Variants in NAALADL2 observed in about 807,000 individuals in gnomAD.
NAALADL2 encodes the protein inactive N-acetylated-alpha-linked acidic dipeptidase-like protein 2.
Under a neutral mutation model 87.2 loss-of-function variants are expected in NAALADL2, and 76 were observed. The ratio of observed to expected loss-of-function variants is 0.87; its 90% CI spans 0.72 to 1.05. NAALADL2 has a LOEUF of 1.05. Ranked by LOEUF, NAALADL2 falls within the 50% of genes least tolerant of loss-of-function variation. The pLI is 0.00. For synonymous variants in NAALADL2, 354 were observed against 331.0 expected (o/e 1.07, Z -0.75); for missense variants, 1,089 against 945.8 (o/e 1.15, Z -1.99).
chr3:175,467,397 T>C (rs1268374673), intron 8 of NAALADL2, among the ~76,000 whole-genome samples: 1 of 152,136 alleles, frequency 6.6e-6, no homozygotes, highest in Admixed American at 6.6e-5. Flanking sequence ...CCCCTATTGT[T>C]ACCAGACTTA....
chr3:175,190,278 A>G (rs1007500565), intron 2 of NAALADL2, among the ~76,000 whole-genome samples: 1 of 152,144 alleles, frequency 6.6e-6, no homozygotes, highest in East Asian at 1.9e-4. Context: ...CAACCTACAG[A>G]TTTGGGTAAG....
rs1461417333 is a variant in NAALADL2, at chr3:175,447,234, A to G, written c.1096A>G (p.Ser366Gly). 1 of 1,577,488 alleles carries G rather than the reference A, an allele frequency of 6.3e-7. No individual in the cohort carries two copies. The highest frequency in any genetic ancestry group is 8.6e-7 in the Non-Finnish European group (1 of 1,166,774). ...STPGYPSVDE[S>G]FRQSRSNLTS... ...CCTTTGTCTTTTGAATACAGATGAA[A>G]GTTTTAGACAAAGCCGATCAAACCT... is the stretch of plus-strand genomic sequence containing the variant. Residue 366 changes from serine (S) to glycine (G), a missense_variant, in exon 6 of 14, where the codon AGT (serine) becomes GGT (glycine). Transcript: ENST00000454872.
chr3:175,393,045 C>T (rs1400014401), intron 5 of NAALADL2, among the ~76,000 whole-genome samples: 3 of 151,686 alleles, frequency 2.0e-5, no homozygotes, highest in Non-Finnish European at 4.4e-5. Flanking sequence ...GAGGCCGAGG[C>T]GGGTGGATCA....
intron 1 of NAALADL2, among the ~76,000 whole-genome samples, chr3:174,520,628 T>C (rs1720216196): frequency 6.6e-6 from 1 of 152,158 alleles, no homozygotes; most frequent in African/African-American, 2.4e-5. Context: ...GGAAAAGCTC[T>C]TCTGGACACT....
In NAALADL2 at chr3:174,888,464, G is replaced by A. The variant is rs1017545432; in HGVS notation, c.43+29014G>A. 7.2e-5 allele frequency among the ~76,000 whole-genome samples: 11 copies of A among 152,120 alleles called. 1 individual carries two copies. The highest frequency in any genetic ancestry group is 1.3e-4 in the Admixed American group (2 of 15,260). Reference sequence around the variant, plus strand: ...AGCTGAAATAATAGGCTCACTTCACGCAAAGTTGATCAAATACTTTCCATC... The same window carrying A: ...AGCTGAAATAATAGGCTCACTTCACACAAAGTTGATCAAATACTTTCCATC... On this transcript the variant is annotated intron_variant, in intron 1 of 13. Coordinates refer to ENST00000454872, the MANE Select transcript of NAALADL2 (RefSeq NM_207015.3).
rs1413500820 is a variant in NAALADL2 at position 174,556,554 on chromosome 3, A to G, written c.-115+5917A>G. ...TTTAAAAAAAAATAAACAACGTTGG[A>G]AAATATTGATCTGGCTTTAAAATCT... On this transcript the variant is annotated intron_variant, in intron 2 of 3. Transcript: ENST00000434257. 6.6e-5 allele frequency among the ~76,000 whole-genome samples: 10 copies of G among 152,236 alleles called. No homozygotes were observed. The East Asian group carries it at 1.9e-3, about 29-fold the overall frequency.
intron 1 of NAALADL2, among the ~76,000 whole-genome samples, chr3:174,875,383 T>C (rs2082192817): frequency 6.6e-6 from 1 of 152,128 alleles, no homozygotes; most frequent in African/African-American, 2.4e-5. Context: ...CACATACATA[T>C]ATTTGCATAG....
At position 174,703,515 on chromosome 3, in the gene NAALADL2, A is replaced by G. The variant is rs527385938; in HGVS notation, c.-114-34126A>G. 8.5e-5 allele frequency among the ~76,000 whole-genome samples: 13 copies of G among 152,290 alleles called. 1 individual carries two copies. Among genetic ancestry groups the G allele is most frequent in the Admixed American group, 7.8e-4 (12 of 15,294 alleles). Reference sequence around the variant, plus strand: ...GGATACATAGTGTTATCCTGACCACAGACATGATAATAAGTGGGTCGTCAT... The same window carrying G: ...GGATACATAGTGTTATCCTGACCACGGACATGATAATAAGTGGGTCGTCAT... On this transcript the variant is annotated intron_variant, in intron 2 of 3. Coordinates refer to the NAALADL2 transcript ENST00000434257.
chr3:175,640,621 T>C (rs867255108), intron 11 of NAALADL2, among the ~76,000 whole-genome samples: 2 of 152,292 alleles, frequency 1.3e-5, no homozygotes, highest in South Asian at 4.1e-4. Flanking sequence ...CATAAACATT[T>C]ATTTACAGTA....
At chr3:174,443,494 A>C (rs1281552164) in intron 1 of NAALADL2, among the ~76,000 whole-genome samples, 4 of 152,242 alleles carry the variant, frequency 2.6e-5, no homozygotes, top group Non-Finnish European at 5.9e-5. Flanking sequence ...AAGAATCTGG[A>C]TTTGGATATG....
intron 9 of NAALADL2, among the ~76,000 whole-genome samples, chr3:175,531,406 G>A (rs990977790): frequency 1.5e-4 from 23 of 152,262 alleles, no homozygotes; most frequent in Admixed American, 8.5e-4. Context: ...AATTTTAGTC[G>A]TATTTATTTC....
intron 2 of NAALADL2, among the ~76,000 whole-genome samples, chr3:174,644,799 A>G (rs1446139101): frequency 6.6e-6 from 1 of 152,234 alleles, no homozygotes; most frequent in Non-Finnish European, 1.5e-5. Flanking sequence ...TCTCAAAGAC[A>G]AATTGCATGC....
intron 11 of NAALADL2, among the ~76,000 whole-genome samples, chr3:175,665,935 C>T (rs578046690): frequency 1.3e-5 from 2 of 150,980 alleles, no homozygotes; most frequent in Admixed American, 6.6e-5. Flanking sequence ...GTCCCCCCCC[C>T]AAAAAAAAGG....
intron 1 of NAALADL2, chr3:175,080,926 G>T (rs913946788): frequency 1.3e-5 from 2 of 152,188 alleles, no homozygotes; most frequent in Non-Finnish European, 2.9e-5. Flanking sequence ...TGGAGTTAGT[G>T]TCAGTAGTGT....
In NAALADL2 at chr3:175,757,061, G is replaced by T. The variant is rs559426480; in HGVS notation, c.2189+1643G>T. Among the ~76,000 whole-genome samples, 5 of 151,622 alleles carry T rather than the reference G, an allele frequency of 3.3e-5. No individual in the cohort carries two copies. In the East Asian group the frequency reaches 9.7e-4, roughly 29 times the overall value. On this transcript the variant is annotated intron_variant, in intron 13 of 13. Transcript: ENST00000454872. ...GTATGTATGTATAATTTTATGTAGT[G>T]TGAAAGTCCAAATTTGTGGCCCTTT...
At chr3:175,191,692 G>T (rs1023497111) in intron 2 of NAALADL2, among the ~76,000 whole-genome samples, 1 of 152,146 alleles carries the variant, frequency 6.6e-6, no homozygotes, top group African/African-American at 2.4e-5. Flanking sequence ...TATAATGTAC[G>T]CATTTTGGTT....
rs1205119072 is a variant in NAALADL2, at chr3:175,683,245, A to G, written c.1897-54061A>G. Reference sequence around the variant, plus strand: ...AAAGTAAAAATTTATTTTAAAATTAATTCTTCCCATTTTGTGTTAGATTGT... The same window carrying G: ...AAAGTAAAAATTTATTTTAAAATTAGTTCTTCCCATTTTGTGTTAGATTGT... On this transcript the variant is annotated intron_variant, in intron 11 of 13. Coordinates refer to ENST00000454872, the MANE Select transcript of NAALADL2 (RefSeq NM_207015.3). 2.6e-5 allele frequency among the ~76,000 whole-genome samples: 4 copies of G among 152,014 alleles called. No individual in the cohort carries two copies. In the East Asian group the frequency reaches 7.7e-4, roughly 29 times the overall value.
chr3:175,645,410 G>A (rs73881331), intron 11 of NAALADL2, among the ~76,000 whole-genome samples: 1 of 152,092 alleles, frequency 6.6e-6, no homozygotes, highest in Non-Finnish European at 1.5e-5. Flanking sequence ...AAAAATATAT[G>A]TATAAATACA....
intron 1 of NAALADL2, among the ~76,000 whole-genome samples, chr3:174,524,716 TAAA>T (rs10612544): frequency 6.9e-6 from 1 of 144,858 alleles, no homozygotes; most frequent in African/African-American, 2.6e-5. Flanking sequence ...CCCAACAAAT[TAAA>T]AAAAAAAAAA....
Sources: allele counts gnomAD v4.1 joint callset (sites outside exome capture counted in the v4.1 genomes callset), GRCh38; gene constraint gnomAD v4.1.1; transcripts MANE v1.5; gene names NCBI Gene and HGNC (gene_info 2026-07-23, HGNC 2026-07-21).